PCDHGA7: variants seen among roughly 807,000 people sequenced by gnomAD.
The protein encoded by PCDHGA7 is protocadherin gamma subfamily A, 7, also known as protocadherin gamma-A7.
Under a neutral mutation model 58.3 loss-of-function variants are expected in PCDHGA7, and 44 were observed. That is an observed-to-expected ratio of 0.75 (90% CI 0.59 to 0.97). PCDHGA7 has a LOEUF of 0.97. Ranked by LOEUF, PCDHGA7 falls within the 50% of genes least tolerant of loss-of-function variation. PCDHGA7 has a pLI of 0.00. For missense variants in PCDHGA7, 1,266 were observed against 1,188.7 expected, an observed-to-expected ratio of 1.06 and a Z score of -0.96; for synonymous variants, 516 against 504.2, an observed-to-expected ratio of 1.02 and a Z score of -0.31.
intron 1 of PCDHGA7, chr5:141,421,488 G>C: frequency 3.1e-6 from 5 of 1,614,100 alleles, no homozygotes; most frequent in Non-Finnish European, 4.2e-6. Flanking sequence ...GCTTGATCAC[G>C]GCAGGCAGGA....
chr5:141,503,222 G>T (rs540244346), intron 2 of PCDHGA7, among the ~76,000 whole-genome samples: 1 of 152,120 alleles, frequency 6.6e-6, no homozygotes, highest in East Asian at 1.9e-4. Context: ...CATGAGCACC[G>T]TAAAGATGGA....
chr5:141,414,052 T>C, intron 1 of PCDHGA7: 1 of 1,610,346 alleles, frequency 6.2e-7, no homozygotes, highest in Non-Finnish European at 8.5e-7. Flanking sequence ...TGACACGCAA[T>C]TGTTGAAGTT....
rs750036800 is a variant in PCDHGA7, at chr5:141,419,495, G to A, written c.2424+34172G>A. On this transcript the variant is annotated intron_variant, in intron 1 of 3. Coordinates refer to ENST00000518325, the MANE Select transcript of PCDHGA7 (RefSeq NM_018920.4). ...GGGCTCGCCCGCGCTCAGCGCCAAT[G>A]TGAGCCTGCGCGTGTTGGTGGGCGA... The A allele has an allele frequency of 5.0e-6, 8 of 1,612,432 alleles. No individual in the cohort carries two copies. The Admixed American group carries it at 1.3e-4, about 27-fold the overall frequency.
At chr5:141,479,273 T>G (rs1723290487) in intron 1 of PCDHGA7, 1 of 152,386 alleles carries the variant, frequency 6.6e-6, no homozygotes, top group South Asian at 2.1e-4. Context: ...AGTAATAATT[T>G]ATTTCAAAAA....
chr5:141,405,005 G>C (rs1358521218), intron 1 of PCDHGA7: 7 of 1,613,830 alleles, frequency 4.3e-6, no homozygotes, highest in African/African-American at 2.7e-5. Context: ...TGCAGACCTG[G>C]AGGCCTCAGA....
At chr5:141,388,939 A>G in intron 1 of PCDHGA7, 1 of 1,613,984 alleles carries the variant, frequency 6.2e-7, no homozygotes, top group Non-Finnish European at 8.5e-7. Flanking sequence ...TCTCTACCCA[A>G]CCTAATTATG....
rs765047622 is a variant in PCDHGA7 at position 141,486,776 on chromosome 5, G to A, written c.2425-8031G>A. On this transcript the variant is annotated intron_variant, in intron 1 of 3. Coordinates refer to ENST00000518325, the MANE Select transcript of PCDHGA7 (RefSeq NM_018920.4). This position sits in a 1 kb window ranked among gnomAD's most constrained non-coding sequence, Gnocchi z 5.0. ...GCAAACCCAGACACTGCAGTTTGAGGTGCAGGCCCGGGATCGGGGCAACCC... is the reference window on the plus strand; with the variant it reads ...GCAAACCCAGACACTGCAGTTTGAGATGCAGGCCCGGGATCGGGGCAACCC... 1.2e-6 allele frequency: 2 copies of A among 1,614,254 alleles called. No individual in the cohort carries two copies. Among genetic ancestry groups the A allele is most frequent in the Non-Finnish European group, 1.7e-6 (2 of 1,180,050 alleles).
chr5:141,478,322 C>A, intron 1 of PCDHGA7: 3 of 1,613,976 alleles, frequency 1.9e-6, no homozygotes, highest in Non-Finnish European at 2.5e-6. Context: ...CTCACTGTAC[C>A]GAACACCAGG....
At chr5:141,405,032 G>A (rs747720731) in intron 1 of PCDHGA7, 25 of 1,613,806 alleles carry the variant, frequency 1.5e-5, no homozygotes, top group African/African-American at 6.7e-5. Context: ...CCTCTACCTC[G>A]TTGTGGCTGT....
At chr5:141,500,348 A>G (rs2099799436) in intron 2 of PCDHGA7, among the ~76,000 whole-genome samples, 1 of 151,950 alleles carries the variant, frequency 6.6e-6, no homozygotes, top group Non-Finnish European at 1.5e-5. Context: ...AGCTGGGACT[A>G]CAGGCGCCCA....
intron 1 of PCDHGA7, chr5:141,393,583 C>T: frequency 6.2e-7 from 1 of 1,613,930 alleles, no homozygotes. Flanking sequence ...AACATGCCCC[C>T]AGGCACGCGG....
At chr5:141,413,716 C>T in intron 1 of PCDHGA7, 2 of 1,613,608 alleles carry the variant, frequency 1.2e-6, no homozygotes, top group Non-Finnish European at 1.7e-6. Flanking sequence ...CCCCAATAAG[C>T]ACTTCTCCCT....
chr5:141,404,129 A>G (rs753217773), intron 1 of PCDHGA7: 6 of 1,613,162 alleles, frequency 3.7e-6, no homozygotes, highest in Non-Finnish European at 5.1e-6. Context: ...TCTATCTTTT[A>G]CATTAGAAAA....
Position 141,432,253 on chromosome 5 carries a change from G to A in PCDHGA7, c.2424+46930G>A, listed in dbSNP as rs1193159615. ...CCCTGGCTGAGAACACCATCCAAGGGGCAAGCCTATCGTCCTACGTGTCCA... is the reference window on the plus strand; with the variant it reads ...CCCTGGCTGAGAACACCATCCAAGGAGCAAGCCTATCGTCCTACGTGTCCA... On this transcript the variant is annotated intron_variant, in intron 1 of 3. Coordinates refer to ENST00000518325, the MANE Select transcript of PCDHGA7 (RefSeq NM_018920.4). The surrounding 1 kb of genome is among the most constrained non-coding windows in gnomAD (Gnocchi z 6.0). 2.5e-6 allele frequency: 4 copies of A among 1,614,086 alleles called. No individual in the cohort carries two copies. Among genetic ancestry groups the A allele is most frequent in the Non-Finnish European group, 3.4e-6 (4 of 1,180,046 alleles).
At position 141,493,061 on chromosome 5, in the gene PCDHGA7, C is replaced by G. The variant is rs1386090478; in HGVS notation, c.2425-1746C>G. On this transcript the variant is annotated intron_variant, in intron 1 of 3. Transcript: ENST00000518325. The surrounding 1 kb of genome is among the most constrained non-coding windows in gnomAD (Gnocchi z 4.3). The stretch of plus-strand genomic sequence containing the variant: ...GAGGAAACTACAATAGTAAAAAACA[C>G]AAGTTTCTCCAACTCCAGGAGCTTT... Among the ~76,000 whole-genome samples the G allele has an allele frequency of 6.6e-6, 1 of 152,228 alleles. No individual in the cohort carries two copies. Among genetic ancestry groups the G allele is most frequent in the African/African-American group, 2.4e-5 (1 of 41,446 alleles).
intron 1 of PCDHGA7, among the ~76,000 whole-genome samples, chr5:141,482,104 A>T (rs11748215): frequency 0.23 from 34,477 of 150,324 alleles, 4,798 homozygotes; most frequent in African/African-American, 0.39. Context: ...AAAAAAAAAA[A>T]ATATCTAGAG....
At chr5:141,475,090 A>G (rs991061660) in intron 1 of PCDHGA7, among the ~76,000 whole-genome samples, 1 of 152,264 alleles carries the variant, frequency 6.6e-6, no homozygotes, top group African/African-American at 2.4e-5. Flanking sequence ...CAATAATTTT[A>G]TAAAGATCCT....
rs770596172 is a variant in PCDHGA7, at chr5:141,487,664, G to A, written c.2425-7143G>A. ...AATGCTTGAGGGTTATTCTGATCCA[G>A]GCATATGGCTAGGCCATGTCCTAGA... On this transcript the variant is annotated intron_variant, in intron 1 of 3. Transcript: ENST00000518325. The surrounding 1 kb of genome is among the most constrained non-coding windows in gnomAD (Gnocchi z 5.0). 1.9e-5 allele frequency: 31 copies of A among 1,613,048 alleles called. No individual in the cohort carries two copies. The South Asian group carries it at 3.4e-4, about 18-fold the overall frequency.
chr5:141,393,156 A>G (rs1028021318), intron 1 of PCDHGA7: 7 of 1,613,310 alleles, frequency 4.3e-6, no homozygotes, highest in African/African-American at 1.3e-5. Context: ...GGATAAAGGA[A>G]AACTCTTTGG....
Sources: allele counts gnomAD v4.1 joint callset (sites outside exome capture counted in the v4.1 genomes callset), GRCh38; gene constraint gnomAD v4.1.1; non-coding constraint Gnocchi (gnomAD v3.1); transcripts MANE v1.5; gene names NCBI Gene and HGNC (gene_info 2026-07-23, HGNC 2026-07-21).